Variants in AP2S1 observed in about 807,000 individuals in gnomAD.
The protein encoded by AP2S1 is AP-2 complex subunit sigma.
In AP2S1, 6 loss-of-function variants were observed where a neutral mutation model predicts 21.0. That is an observed-to-expected ratio of 0.29 (90% confidence interval 0.16 to 0.56). The LOEUF is 0.56. AP2S1 is among the 20% of genes least tolerant of loss of function. The probability of loss-of-function intolerance (pLI) is 0.92; values close to 1 mark genes in which losing one functional copy is unlikely to be tolerated. For synonymous variants in AP2S1, 63 were observed against 74.6 expected (o/e 0.84, Z 0.80); for missense variants, 60 against 186.2 (o/e 0.32, Z 3.95).
chr19:46,839,678 C>T (rs1305079997), intron 2 of AP2S1, 100 bp from the exon 3 acceptor site: 6 of 1,556,830 alleles, frequency 3.9e-6, no homozygotes, highest in African/African-American at 2.7e-5. Flanking sequence ...ATACGTGGTC[C>T]CGAGGCCCAG....
intron 1 of AP2S1, among the ~76,000 whole-genome samples, chr19:46,847,409 T>C (rs893852196): frequency 1.3e-5 from 2 of 151,712 alleles, no homozygotes; most frequent in Admixed American, 1.3e-4. Context: ...GTAGAGACAG[T>C]GTTTCACCAT....
At chr19:46,845,873 G>C in intron 2 of AP2S1, 120 bp downstream of exon 2, 1 of 1,321,402 alleles carries the variant, frequency 7.6e-7, no homozygotes, top group East Asian at 2.4e-5. Context: ...AGCAGGTTGA[G>C]TGAATGATAT....
intron 2 of AP2S1, among the ~76,000 whole-genome samples, chr19:46,843,542 C>T (rs1214867159): frequency 1.3e-5 from 2 of 151,946 alleles, no homozygotes; most frequent in African/African-American, 2.4e-5. Context: ...GGCAACATGG[C>T]GAAACCCTGT....
chr19:46,846,441 GTTTTTTTTTTT>G (rs1229404009), intron 1 of AP2S1, among the ~76,000 whole-genome samples: 1 of 104,658 alleles, frequency 9.6e-6, no homozygotes, highest in African/African-American at 4.2e-5. Flanking sequence ...ATCTCTCTCT[GTTTTTTTTTTT>G]TTTTTTTTTT....
chr19:46,842,597 T>A (rs969690583), intron 2 of AP2S1, among the ~76,000 whole-genome samples: 1 of 152,078 alleles, frequency 6.6e-6, no homozygotes, highest in African/African-American at 2.4e-5. Context: ...AGCCGGACTT[T>A]CCGGCTGCCC....
At chr19:46,842,493 G>T (rs1379397370) in intron 2 of AP2S1, among the ~76,000 whole-genome samples, 1 of 152,150 alleles carries the variant, frequency 6.6e-6, no homozygotes, top group African/African-American at 2.4e-5. Context: ...ATGCACAAAG[G>T]AACAACTGAA....
At chr19:46,850,417 C>T in intron 1 of AP2S1, 1 of 1,004,558 alleles carries the variant, frequency 1.0e-6, no homozygotes, top group East Asian at 3.3e-5. Context: ...TTCGGACGCC[C>T]TCTCCCCACC....
intron 2 of AP2S1, among the ~76,000 whole-genome samples, chr19:46,840,540 T>G (rs2055499887): frequency 6.6e-6 from 1 of 151,332 alleles, no homozygotes; most frequent in Non-Finnish European, 1.5e-5. Flanking sequence ...CTCGGGAGGC[T>G]GAGGTGGGGA....
intron 1 of AP2S1, among the ~76,000 whole-genome samples, chr19:46,846,986 TA>T (rs1245686710): frequency 4.6e-5 from 7 of 151,334 alleles, no homozygotes; most frequent in African/African-American, 1.7e-4. Flanking sequence ...TTTTAAAGGT[TA>T]AAAAAAAAGT....
chr19:46,849,156 C>A (rs2055689863), intron 1 of AP2S1, among the ~76,000 whole-genome samples: 3 of 151,536 alleles, frequency 2.0e-5, no homozygotes, highest in Admixed American at 2.0e-4. Context: ...CAGGCATCCA[C>A]CACCACACCT....
Position 46,850,830 on chromosome 19 carries a change from G to A in AP2S1, c.-64C>T, listed in dbSNP as rs1394507671. On this transcript the variant is annotated 5_prime_UTR_variant, in exon 1 of 5. Transcript: ENST00000263270. ...GGCGACTGGGCAGCTCCGGCTCAGG[G>A]TGCAGTTGTAGGGCCCAGAGCTAGA... The A allele has an allele frequency of 2.1e-5, 32 of 1,498,300 alleles. 1 individual carries two copies. The South Asian group carries it at 3.8e-4, about 18-fold the overall frequency. The allele number at this position is 1,498,300 out of a possible 1,614,324, so 92.8% of individuals were successfully genotyped here. A position where few individuals can be genotyped will look rare whatever the true frequency, so the allele number is the denominator to read the frequency against.
intron 2 of AP2S1, 58 bp from the exon 3 acceptor site, chr19:46,839,636 G>C (rs761693478): frequency 6.2e-7 from 1 of 1,612,048 alleles, no homozygotes; most frequent in Non-Finnish European, 8.5e-7. Flanking sequence ...GTGCCAGACA[G>C]AGTGGGGCCA....
chr19:46,843,580 G>A (rs985454944), intron 2 of AP2S1, among the ~76,000 whole-genome samples: 15 of 152,058 alleles, frequency 9.9e-5, no homozygotes, highest in Non-Finnish European at 1.3e-4. Flanking sequence ...AAATTAGTAC[G>A]GCATTGGTGG....
chr19:46,850,733 G>A (rs1464903615), intron 1 of AP2S1, 31 bp downstream of exon 1: 5 of 1,541,508 alleles, frequency 3.2e-6, no homozygotes, highest in Non-Finnish European at 4.5e-6. Context: ...CCCCCCCTCC[G>A]CCAGTCCCCG....
Position 46,841,242 on chromosome 19 carries a change from A to C in AP2S1, c.154-1664T>G, listed in dbSNP as rs112954522. ...GTGCTGGGATTACAGGCGTGAGCCCAGCCTGAGTATGTTTTCTGGTGTGAT... is the reference window on the plus strand; with the variant it reads ...GTGCTGGGATTACAGGCGTGAGCCCCGCCTGAGTATGTTTTCTGGTGTGAT... On this transcript the variant is annotated intron_variant, in intron 2 of 4. Transcript: ENST00000263270. 4.2e-3 allele frequency among the ~76,000 whole-genome samples: 643 copies of C among 152,188 alleles called. 3 individuals are homozygous for C. The highest frequency in any genetic ancestry group is 0.014 in the African/African-American group (600 of 41,538).
intron 2 of AP2S1, among the ~76,000 whole-genome samples, chr19:46,843,916 T>C (rs1390875499): frequency 6.6e-6 from 1 of 151,762 alleles, no homozygotes; most frequent in African/African-American, 2.4e-5. Flanking sequence ...AAAAACAACC[T>C]TTCTTTTTTT....
Position 46,838,659 on chromosome 19 carries a change from G to T in AP2S1, c.327+81C>A. On this transcript the variant is annotated intron_variant, in intron 4 of 4. Transcript: ENST00000263270. This position sits in a 1 kb window ranked among gnomAD's most constrained non-coding sequence, Gnocchi z 4.1. ...AGCTGGGACACAGACCTCAGCAGAG[G>T]CTCCGGGTGGCTAGTGCACCACGGG... 7.7e-6 allele frequency: 12 copies of T among 1,568,436 alleles called. No homozygotes were observed. The highest frequency in any genetic ancestry group is 9.6e-6 in the Non-Finnish European group (11 of 1,140,258).
intron 2 of AP2S1, among the ~76,000 whole-genome samples, chr19:46,841,885 G>A (rs2122770493): frequency 6.6e-6 from 1 of 152,340 alleles, no homozygotes; most frequent in Middle Eastern, 3.4e-3. Flanking sequence ...GCGGGACAGT[G>A]CGAGTCAGAC....
chr19:46,842,324 G>A (rs573870541), intron 2 of AP2S1, among the ~76,000 whole-genome samples: 11 of 152,102 alleles, frequency 7.2e-5, no homozygotes, highest in Admixed American at 7.2e-4. Context: ...CAGGCTCCTC[G>A]ATCCCAGCCC....
Sources: gnomAD v4.1 joint callset for allele counts (sites outside exome capture counted in the v4.1 genomes callset) on GRCh38, gnomAD v4.1.1 for gene constraint, Gnocchi (gnomAD v3.1) non-coding constraint, MANE v1.5 for transcripts, NCBI Gene and HGNC (gene_info 2026-07-23, HGNC 2026-07-21) for gene names.